The following DGLUCY variants were observed in gnomAD, a reference collection of about 807,000 sequenced individuals.
DGLUCY encodes D-glutamate cyclase.
In DGLUCY, 58 loss-of-function variants were observed where a neutral mutation model predicts 58.5. The observed-to-expected ratio is 0.99, with a 90% CI of 0.80 to 1.23. The LOEUF is 1.23. Among genes scored for constraint, DGLUCY ranks in the 50% most tolerant of loss-of-function variants. DGLUCY has a pLI of 0.00. For synonymous variants in DGLUCY, 325 were observed against 314.1 expected (o/e 1.03, Z -0.37); for missense variants, 779 against 784.7 (o/e 0.99, Z 0.09).
upstream of DGLUCY, among the ~76,000 whole-genome samples, chr14:91,106,355 G>A (rs2044589802): frequency 6.6e-6 from 1 of 151,380 alleles, no homozygotes; most frequent in Admixed American, 6.6e-5. Context: ...TATACAGTCT[G>A]TCATTAACTG....
chr14:91,117,662 T>TACACAC (rs1026832294), intron 1 of DGLUCY, among the ~76,000 whole-genome samples: 5 of 74,258 alleles, frequency 6.7e-5, no homozygotes, highest in Admixed American at 1.5e-4. Flanking sequence ...CACACACACA[T>TACACAC]ACACACACAC....
At chr14:91,073,984 G>A (rs1169879575) in intron 1 of DGLUCY, among the ~76,000 whole-genome samples, 1 of 151,356 alleles carries the variant, frequency 6.6e-6, no homozygotes, top group Non-Finnish European at 1.5e-5. Context: ...TGCCTGGCAC[G>A]GTGGCTCACA....
intron 9 of DGLUCY, among the ~76,000 whole-genome samples, chr14:91,194,271 G>A (rs1462806427): frequency 6.6e-6 from 1 of 152,116 alleles, no homozygotes; most frequent in Non-Finnish European, 1.5e-5. Flanking sequence ...AGGTCACATA[G>A]CAAGGGAATG....
In DGLUCY at chr14:91,160,330, C is replaced by T. The variant is rs1423818069; in HGVS notation, c.36C>T (p.Pro12=). The change falls in exon 3 of 14, where the codon CCC becomes CCT. Residue 12 remains proline (P), a synonymous_variant. Transcript: ENST00000256324. ...CACTCCACCTGAGGTCCCGCCTTCCCTCTGCCATAAGGAGTTTGATTCTAC... is the reference window on the plus strand; with the variant it reads ...CACTCCACCTGAGGTCCCGCCTTCCTTCTGCCATAAGGAGTTTGATTCTAC... ...PFTLHLRSRL[P]SAIRSLILQK... 2 of 1,613,450 alleles carry T rather than the reference C, an allele frequency of 1.2e-6. No individual in the cohort carries two copies. The highest frequency in any genetic ancestry group is 2.2e-5 in the East Asian group (1 of 44,866).
chr14:91,121,288 C>A (rs1332211429), intron 1 of DGLUCY, among the ~76,000 whole-genome samples: 1 of 152,210 alleles, frequency 6.6e-6, no homozygotes, highest in African/African-American at 2.4e-5. Context: ...AACTGTATGG[C>A]TCTTTCCATG....
At chr14:91,082,414 C>CTTA (rs1364584062) in intron 1 of DGLUCY, among the ~76,000 whole-genome samples, 1 of 152,186 alleles carries the variant, frequency 6.6e-6, no homozygotes, top group Non-Finnish European at 1.5e-5. Flanking sequence ...CCACGTGAAG[C>CTTA]TTATTATTGT....
At chr14:91,140,757 C>G (rs142934178) in intron 1 of DGLUCY, among the ~76,000 whole-genome samples, 214 of 152,352 alleles carry the variant, frequency 1.4e-3, no homozygotes, top group Non-Finnish European at 1.9e-3. Flanking sequence ...TGCCACACCT[C>G]TAGCCAGCAG....
chr14:91,113,519 A>C (rs2044748286), upstream of DGLUCY, among the ~76,000 whole-genome samples: 1 of 152,208 alleles, frequency 6.6e-6, no homozygotes, highest in African/African-American at 2.4e-5. Context: ...GTCAATCGTC[A>C]GAGCAGCCAA....
At chr14:91,063,581 T>C (rs1029443518) in intron 1 of DGLUCY, among the ~76,000 whole-genome samples, 1 of 152,244 alleles carries the variant, frequency 6.6e-6, no homozygotes, top group Non-Finnish European at 1.5e-5. Context: ...GATTATTTGC[T>C]ACCAAAGCAT....
At chr14:91,181,552 T>C (rs182682268) in intron 8 of DGLUCY, among the ~76,000 whole-genome samples, 163 bp downstream of exon 8, 178 of 152,312 alleles carry the variant, frequency 1.2e-3, no homozygotes, top group African/African-American at 3.9e-3. Context: ...AGACTAGAAT[T>C]AAATACACCA....
At chr14:91,180,571 C>CAAAAAAAAAAAAAA (rs1212639674) in intron 7 of DGLUCY, among the ~76,000 whole-genome samples, 1 of 86,166 alleles carries the variant, frequency 1.2e-5, no homozygotes. Flanking sequence ...GACTCCATCT[C>CAAAAAAAAAAAAAA]AAAAAAAAAA....
chr14:91,074,933 G>A (rs1672268777), intron 1 of DGLUCY, among the ~76,000 whole-genome samples: 1 of 152,004 alleles, frequency 6.6e-6, no homozygotes, highest in African/African-American at 2.4e-5. Context: ...TTAGCCGGGT[G>A]TGGTGGCGCA....
chr14:91,097,676 C>CT (rs796737178), intron 1 of DGLUCY, among the ~76,000 whole-genome samples: 3,876 of 143,010 alleles, frequency 0.027, 165 homozygotes, highest in African/African-American at 0.09. Context: ...CCTCCCCTCC[C>CT]TTTTTTTTTT....
chr14:91,070,860 A>G (rs2043903358), intron 1 of DGLUCY, among the ~76,000 whole-genome samples: 2 of 152,238 alleles, frequency 1.3e-5, no homozygotes, highest in Admixed American at 6.5e-5. Flanking sequence ...GTCAGCAGGT[A>G]GAAAGCACAC....
chr14:91,125,544 C>T (rs1019838434), intron 1 of DGLUCY: 8 of 152,208 alleles, frequency 5.3e-5, no homozygotes, highest in East Asian at 3.8e-4. Flanking sequence ...GCTTCCTTCT[C>T]GAGCCAGCTC....
chr14:91,067,500 A>G (rs2043843097), intron 1 of DGLUCY, among the ~76,000 whole-genome samples: 1 of 152,232 alleles, frequency 6.6e-6, no homozygotes, highest in Admixed American at 6.5e-5. Context: ...ATACATAGAT[A>G]AGAAAGAAAA....
intron 6 of DGLUCY, among the ~76,000 whole-genome samples, chr14:91,174,529 C>G (rs573945917): frequency 1.3e-5 from 2 of 152,106 alleles, no homozygotes; most frequent in African/African-American, 4.8e-5. Context: ...TGGTCTTGAA[C>G]GCCTGGCCTC....
intron 1 of DGLUCY, among the ~76,000 whole-genome samples, chr14:91,124,148 G>T (rs757213809): frequency 1.3e-5 from 2 of 151,614 alleles, no homozygotes; most frequent in Non-Finnish European, 2.9e-5. Flanking sequence ...GGATGGTCTC[G>T]ATCTCCTGAC....
intron 1 of DGLUCY, among the ~76,000 whole-genome samples, chr14:91,146,358 G>A (rs1035837073): frequency 6.6e-6 from 1 of 152,206 alleles, no homozygotes; most frequent in Admixed American, 6.5e-5. Flanking sequence ...ATTTGGCCTT[G>A]TGGATCTTTC....
Sources: allele counts gnomAD v4.1 joint callset (sites outside exome capture counted in the v4.1 genomes callset), GRCh38; gene constraint gnomAD v4.1.1; transcripts MANE v1.5; gene names NCBI Gene and HGNC (gene_info 2026-07-23, HGNC 2026-07-21).